Variants in FGF14 observed in about 807,000 individuals in gnomAD.
The protein encoded by FGF14 is fibroblast growth factor 14.
In FGF14, 5 loss-of-function variants were observed where a neutral mutation model predicts 25.5. The ratio of observed to expected loss-of-function variants is 0.20; its 90% CI spans 0.10 to 0.41. The LOEUF (loss-of-function observed/expected upper bound fraction) is 0.41. Among genes scored for constraint, FGF14 ranks in the 10% least tolerant of loss-of-function variants. FGF14 has a pLI of 1.00. For missense variants in FGF14, 222 were observed against 320.1 expected, an observed-to-expected ratio of 0.69 and a Z score of 2.34; for synonymous variants, 138 against 118.3, an observed-to-expected ratio of 1.17 and a Z score of -1.08.
At chr13:102,356,008 C>T (rs1352174548) in intron 1 of FGF14, among the ~76,000 whole-genome samples, 3 of 152,176 alleles carry the variant, frequency 2.0e-5, no homozygotes, top group Non-Finnish European at 4.4e-5. Flanking sequence ...CTCTCCCAGA[C>T]ATCAATTTAA....
chr13:102,305,037 T>C (rs890062870), intron 1 of FGF14, among the ~76,000 whole-genome samples: 7 of 152,148 alleles, frequency 4.6e-5, no homozygotes, highest in African/African-American at 1.7e-4. Context: ...GCATACAAAA[T>C]CCATTTGTAA....
chr13:101,938,118 C>A (rs1056261869), intron 1 of FGF14, among the ~76,000 whole-genome samples: 1 of 152,214 alleles, frequency 6.6e-6, no homozygotes, highest in African/African-American at 2.4e-5. Context: ...CTGCCAGCCA[C>A]GTGCTGCCTG....
At chr13:101,871,748 TAGA>T (rs1486373359) in intron 2 of FGF14, among the ~76,000 whole-genome samples, 1 of 152,100 alleles carries the variant, frequency 6.6e-6, no homozygotes, top group Non-Finnish European at 1.5e-5. Context: ...TGCTGACATT[TAGA>T]AGAACTTTAA....
At chr13:102,006,706 A>G (rs2039806828) in intron 1 of FGF14, among the ~76,000 whole-genome samples, 2 of 141,084 alleles carry the variant, frequency 1.4e-5, no homozygotes, top group African/African-American at 5.3e-5. Flanking sequence ...GGACTGAAAT[A>G]TGAGTCACAA....
intron 1 of FGF14, among the ~76,000 whole-genome samples, chr13:102,126,430 G>A (rs1023882587): frequency 7.9e-5 from 12 of 152,200 alleles, no homozygotes; most frequent in African/African-American, 2.6e-4. Flanking sequence ...ATATTCTATT[G>A]TATGTAGATA....
chr13:102,091,524 A>T (rs1323308090), intron 1 of FGF14, among the ~76,000 whole-genome samples: 1 of 152,146 alleles, frequency 6.6e-6, no homozygotes, highest in Non-Finnish European at 1.5e-5. Flanking sequence ...TTTGTTCAAC[A>T]CTTGGAGAAC....
chr13:101,846,445 T>C (rs1362509700), intron 3 of FGF14, among the ~76,000 whole-genome samples: 7 of 152,096 alleles, frequency 4.6e-5, no homozygotes, highest in Non-Finnish European at 1.0e-4. Context: ...CTCTCTGGAA[T>C]GGAATGTGTG....
At chr13:101,875,782 T>C (rs944065175) in intron 1 of FGF14, among the ~76,000 whole-genome samples, 3 of 152,128 alleles carry the variant, frequency 2.0e-5, no homozygotes, top group Admixed American at 6.6e-5. Context: ...AAAACATTCA[T>C]ACTAACATAT....
At chr13:101,854,393 A>G (rs2044017388) in intron 3 of FGF14, among the ~76,000 whole-genome samples, 1 of 152,080 alleles carries the variant, frequency 6.6e-6, no homozygotes, top group South Asian at 2.1e-4. Context: ...TATTAGAAGA[A>G]CTGTCAGAGA....
chr13:102,129,254 AAAAGAAAG>A (rs370437878), intron 1 of FGF14, among the ~76,000 whole-genome samples: 2 of 152,038 alleles, frequency 1.3e-5, no homozygotes, highest in South Asian at 2.1e-4. Flanking sequence ...CATCTCAAAA[AAAAGAAAG>A]AAAGAAAGAA....
intron 1 of FGF14, among the ~76,000 whole-genome samples, chr13:102,268,217 G>A (rs879811992): frequency 3.3e-5 from 5 of 152,232 alleles, no homozygotes; most frequent in Middle Eastern, 3.4e-3. Flanking sequence ...ATAAGTCCAA[G>A]CACATTGCAG....
intron 3 of FGF14, among the ~76,000 whole-genome samples, chr13:101,790,128 G>T (rs113258391): frequency 6.5e-4 from 70 of 108,446 alleles, no homozygotes; most frequent in Middle Eastern, 5.3e-3. Flanking sequence ...TAGTATTTTG[G>T]TTTTTTTTTT....
rs1014282958 is a variant in FGF14, at chr13:101,712,353, T to C, written c.*10478A>G. On this transcript the variant is annotated 3_prime_UTR_variant, in exon 5 of 5. Coordinates refer to ENST00000376143, the MANE Select transcript of FGF14 (RefSeq NM_004115.4). ...TCAGAACTGGAATTTACTCATCAAATGTTCTATCCATATATGCCATATTAG... is the reference window on the plus strand; with the variant it reads ...TCAGAACTGGAATTTACTCATCAAACGTTCTATCCATATATGCCATATTAG... 9 of 152,226 alleles carry C rather than the reference T, an allele frequency of 5.9e-5. No individual in the cohort carries two copies. The highest frequency in any genetic ancestry group is 2.2e-4 in the African/African-American group (9 of 41,468). 9.4% of individuals were successfully genotyped at this position (152,226 alleles called of 1,614,324 possible).
intron 1 of FGF14, among the ~76,000 whole-genome samples, chr13:101,978,341 T>C (rs140761940): frequency 6.6e-6 from 1 of 152,340 alleles, no homozygotes; most frequent in Non-Finnish European, 1.5e-5. Flanking sequence ...ACTATAATCA[T>C]ACTCTTTAAT....
intron 3 of FGF14, among the ~76,000 whole-genome samples, chr13:101,775,603 A>T (rs2039058109): frequency 6.6e-6 from 1 of 152,132 alleles, no homozygotes; most frequent in Non-Finnish European, 1.5e-5. Context: ...AAAGAGATGC[A>T]CTTAGAGTTA....
chr13:101,769,558 T>C (rs1223230844), intron 3 of FGF14, among the ~76,000 whole-genome samples: 1 of 152,158 alleles, frequency 6.6e-6, no homozygotes, highest in Non-Finnish European at 1.5e-5. Context: ...GCAACCAAGA[T>C]GGCCTTCAGT....
intron 1 of FGF14, among the ~76,000 whole-genome samples, chr13:101,893,214 T>C (rs1047777254): frequency 3.9e-5 from 6 of 152,198 alleles, no homozygotes; most frequent in Non-Finnish European, 7.3e-5. Context: ...TCTTTTCAAA[T>C]GGCTAGTTCC....
At chr13:101,897,698 A>C (rs1237355681) in intron 1 of FGF14, among the ~76,000 whole-genome samples, 2 of 152,168 alleles carry the variant, frequency 1.3e-5, no homozygotes, top group Non-Finnish European at 2.9e-5. Flanking sequence ...CAGGAAATAA[A>C]CTTGGAAAGT....
At chr13:101,838,213 C>T (rs773453147) in intron 3 of FGF14, among the ~76,000 whole-genome samples, 2 of 151,992 alleles carry the variant, frequency 1.3e-5, no homozygotes, top group African/African-American at 2.4e-5. Context: ...TTGACATATA[C>T]AGTCCTCAAT....
Sources: gnomAD v4.1 joint callset for allele counts (sites outside exome capture counted in the v4.1 genomes callset) on GRCh38, gnomAD v4.1.1 for gene constraint, MANE v1.5 for transcripts, NCBI Gene and HGNC (gene_info 2026-07-23, HGNC 2026-07-21) for gene names.